ERC2: variants seen among roughly 807,000 people sequenced by gnomAD.
The protein encoded by ERC2 is ELKS/RAB6-interacting/CAST family member 2, also known as ERC protein 2.
Under a neutral mutation model 114.8 loss-of-function variants are expected in ERC2, and 42 were observed. The observed-to-expected ratio is 0.37, with a 90% CI of 0.29 to 0.47. The LOEUF (loss-of-function observed/expected upper bound fraction) is 0.47. Ranked by LOEUF, ERC2 falls within the 20% of genes least tolerant of loss-of-function variation. ERC2 has a pLI of 0.99. For missense variants in ERC2, 939 were observed against 1,150.7 expected, an observed-to-expected ratio of 0.82 and a Z score of 2.66; for synonymous variants, 454 against 425.5, an observed-to-expected ratio of 1.07 and a Z score of -0.82.
chr3:55,950,004 G>A (rs2067390322), intron 13 of ERC2, among the ~76,000 whole-genome samples: 1 of 152,206 alleles, frequency 6.6e-6, no homozygotes, highest in Non-Finnish European at 1.5e-5. Flanking sequence ...AACTGGTTTT[G>A]TAAACTGTCT....
chr3:55,858,744 A>G (rs961842714), intron 14 of ERC2, among the ~76,000 whole-genome samples: 1 of 152,222 alleles, frequency 6.6e-6, no homozygotes, highest in Non-Finnish European at 1.5e-5. Context: ...CCTTTACAGC[A>G]GGCGCATCAC....
At chr3:56,442,982 G>A (rs1037671638) in intron 1 of ERC2, among the ~76,000 whole-genome samples, 1 of 152,178 alleles carries the variant, frequency 6.6e-6, no homozygotes, top group Non-Finnish European at 1.5e-5. Flanking sequence ...ACTAGGCACT[G>A]CTTTAAGGGC....
chr3:56,210,468 A>G (rs754647220), intron 3 of ERC2, among the ~76,000 whole-genome samples: 5 of 152,242 alleles, frequency 3.3e-5, no homozygotes. Flanking sequence ...TAAATACTAC[A>G]TTTTATGCTA....
At chr3:56,347,785 A>G (rs1489915567) in intron 2 of ERC2, among the ~76,000 whole-genome samples, 4 of 152,100 alleles carry the variant, frequency 2.6e-5, no homozygotes. Flanking sequence ...CTAAATTTTA[A>G]TAATCCTAAC....
intron 16 of ERC2, among the ~76,000 whole-genome samples, chr3:55,691,630 CA>C (rs1194270717): frequency 7.5e-6 from 1 of 132,654 alleles, no homozygotes; most frequent in Non-Finnish European, 1.5e-5. Context: ...AAGCTTTAGA[CA>C]TACTAGCTTG....
At chr3:55,766,398 G>T (rs754249295) in intron 14 of ERC2, among the ~76,000 whole-genome samples, 1 of 151,752 alleles carries the variant, frequency 6.6e-6, no homozygotes, top group African/African-American at 2.4e-5. Flanking sequence ...TCGCTCTGTC[G>T]CCCAGGCTGG....
intron 13 of ERC2, among the ~76,000 whole-genome samples, chr3:55,922,512 C>T (rs2065487286): frequency 6.6e-6 from 1 of 152,050 alleles, no homozygotes; most frequent in African/African-American, 2.4e-5. Context: ...AGAAAAACAT[C>T]AAACAGCTCT....
chr3:55,822,188 C>A (rs1273064425), intron 14 of ERC2, among the ~76,000 whole-genome samples: 1 of 152,174 alleles, frequency 6.6e-6, no homozygotes, highest in Non-Finnish European at 1.5e-5. Flanking sequence ...TTGAAATTGA[C>A]ATGGTGCAGT....
intron 2 of ERC2, among the ~76,000 whole-genome samples, chr3:56,327,941 A>G (rs1170019306): frequency 6.6e-6 from 1 of 152,168 alleles, no homozygotes; most frequent in Non-Finnish European, 1.5e-5. Flanking sequence ...GAAAACACCA[A>G]ATGAAGGCTG....
intron 17 of ERC2, among the ~76,000 whole-genome samples, chr3:55,511,830 C>T (rs2052089049): frequency 6.6e-6 from 1 of 152,222 alleles, no homozygotes; most frequent in Admixed American, 6.5e-5. Context: ...CCCAAGGTTT[C>T]TCACTGTCCC....
At chr3:56,341,207 C>T (rs561819861) in intron 2 of ERC2, among the ~76,000 whole-genome samples, 1 of 152,254 alleles carries the variant, frequency 6.6e-6, no homozygotes, top group Non-Finnish European at 1.5e-5. Context: ...TGTCTCCTTC[C>T]TGCCCCCTCC....
intron 6 of ERC2, among the ~76,000 whole-genome samples, chr3:56,114,889 T>C (rs1328526718): frequency 6.6e-6 from 1 of 152,210 alleles, no homozygotes; most frequent in Admixed American, 6.5e-5. Flanking sequence ...CTTCCTTGCT[T>C]GGGGACCAGA....
intron 2 of ERC2, among the ~76,000 whole-genome samples, chr3:56,307,766 G>A (rs149733415): frequency 6.6e-6 from 1 of 151,980 alleles, no homozygotes; most frequent in Non-Finnish European, 1.5e-5. Flanking sequence ...TGGGGGAGTA[G>A]TGGAAAGGAA....
rs117831001 is a variant in ERC2, at chr3:55,851,252, C to T, written c.2564+37137G>A. Among the ~76,000 whole-genome samples, 1,465 of 152,026 alleles carry T rather than the reference C, an allele frequency of 9.6e-3. 58 individuals carry two copies. The highest frequency in any genetic ancestry group is 0.072 in the East Asian group (372 of 5,138). ...CATGGTAACAGGACAACAGTGGGTA[C>T]TGGCCTGGAGCAGGCTCCTACGTGG... On this transcript the variant is annotated intron_variant, in intron 14 of 17. Transcript: ENST00000288221.
Position 56,145,603 on chromosome 3 carries a change from C to T in ERC2, c.1305+3374G>A, listed in dbSNP as rs113955911. On this transcript the variant is annotated intron_variant, in intron 5 of 17. Coordinates refer to ENST00000288221, the MANE Select transcript of ERC2 (RefSeq NM_015576.3). ...TTACACATCTGAGATCTCCCAGAGGCTCAGTTCTCAGAGACAATGTTCATG... is the reference window on the plus strand; with the variant it reads ...TTACACATCTGAGATCTCCCAGAGGTTCAGTTCTCAGAGACAATGTTCATG... Among the ~76,000 whole-genome samples, 371 of 152,244 alleles carry T rather than the reference C, an allele frequency of 2.4e-3. 1 individual carries two copies. The highest frequency in any genetic ancestry group is 8.6e-3 in the African/African-American group (359 of 41,550).
At chr3:56,099,860 A>G (rs1214177432) in intron 6 of ERC2, among the ~76,000 whole-genome samples, 1 of 152,182 alleles carries the variant, frequency 6.6e-6, no homozygotes. Flanking sequence ...CTGACCTTGC[A>G]TCTTGCCTTT....
intron 3 of ERC2, among the ~76,000 whole-genome samples, chr3:56,288,812 G>GA (rs1228152131): frequency 6.6e-6 from 1 of 152,136 alleles, no homozygotes; most frequent in East Asian, 1.9e-4. Flanking sequence ...ATCAGTCAAT[G>GA]AAAATTCCAC....
chr3:56,176,874 T>A (rs2083008639), intron 3 of ERC2, among the ~76,000 whole-genome samples: 1 of 152,204 alleles, frequency 6.6e-6, no homozygotes, highest in South Asian at 2.1e-4. Context: ...GCCATGGGAC[T>A]TATTTCTGTC....
chr3:55,590,525 ATG>A (rs2057821275), intron 17 of ERC2, among the ~76,000 whole-genome samples: 1 of 152,222 alleles, frequency 6.6e-6, no homozygotes, highest in Non-Finnish European at 1.5e-5. Context: ...CTGAATAAAT[ATG>A]ATTTTTCCAT....
Sources: gnomAD v4.1 joint callset for allele counts (sites outside exome capture counted in the v4.1 genomes callset) on GRCh38, gnomAD v4.1.1 for gene constraint, MANE v1.5 for transcripts, NCBI Gene and HGNC (gene_info 2026-07-23, HGNC 2026-07-21) for gene names.